The following PLCE1 variants were observed in gnomAD, a reference collection of about 807,000 sequenced individuals.
PLCE1 encodes the protein 1-phosphatidylinositol 4,5-bisphosphate phosphodiesterase epsilon-1.
Under a neutral mutation model 242.8 loss-of-function variants are expected in PLCE1, and 119 were observed. The ratio of observed to expected loss-of-function variants is 0.49; its 90% CI spans 0.42 to 0.57. The LOEUF (loss-of-function observed/expected upper bound fraction) is 0.57, where lower values mean the gene tolerates loss of function less well. Ranked by LOEUF, PLCE1 falls within the 20% of genes least tolerant of loss-of-function variation. The probability of loss-of-function intolerance (pLI) is 0.00; values close to 1 mark genes in which losing one functional copy is unlikely to be tolerated. For synonymous variants in PLCE1, 945 were observed against 1,017.4 expected, an observed-to-expected ratio of 0.93 and a Z score of 1.35; for missense variants, 2,441 against 2,788.8, an observed-to-expected ratio of 0.88 and a Z score of 2.81.
At chr10:94,033,216 A>G (rs1045975190) in intron 2 of PLCE1, among the ~76,000 whole-genome samples, 1 of 152,006 alleles carries the variant, frequency 6.6e-6, no homozygotes, top group African/African-American at 2.4e-5. Flanking sequence ...ATTGAGGGAT[A>G]ATTGTAGTGA....
chr10:94,290,537 C>T (rs1392930256), intron 22 of PLCE1, among the ~76,000 whole-genome samples: 1 of 151,754 alleles, frequency 6.6e-6, no homozygotes, highest in Non-Finnish European at 1.5e-5. Context: ...TCATTGTCTT[C>T]CACTTCCACC....
intron 1 of PLCE1, among the ~76,000 whole-genome samples, chr10:94,014,110 C>T (rs562072318): frequency 1.3e-5 from 2 of 152,188 alleles, no homozygotes; most frequent in Non-Finnish European, 2.9e-5. Context: ...AGGGGCCACA[C>T]AGGGCCAACT....
At position 94,098,612 on chromosome 10, in the gene PLCE1, C is replaced by T. The variant is rs189913579; in HGVS notation, c.1207-33562C>T. ...GGAATCAGATGAGGTCCAAATATTA[C>T]ATTTGACTGATATGTCTTGTGAATC... On this transcript the variant is annotated intron_variant, in intron 2 of 32. Transcript: ENST00000371380. Among the ~76,000 whole-genome samples the T allele has an allele frequency of 2.6e-5, 4 of 152,298 alleles. No homozygotes were observed. The East Asian group carries it at 7.7e-4, about 29-fold the overall frequency.
intron 1 of PLCE1, among the ~76,000 whole-genome samples, chr10:94,011,711 C>A (rs1280332061): frequency 1.3e-5 from 2 of 152,116 alleles, no homozygotes; most frequent in African/African-American, 4.8e-5. Context: ...ATTTAAAATT[C>A]TTGTTTGTCA....
At chr10:94,219,303 T>A (rs1249848201) in intron 4 of PLCE1, among the ~76,000 whole-genome samples, 1 of 152,152 alleles carries the variant, frequency 6.6e-6, no homozygotes, top group Non-Finnish European at 1.5e-5. Flanking sequence ...AATAAGAAAT[T>A]GGTGTATGTA....
At chr10:94,111,420 G>A (rs987859133) in intron 2 of PLCE1, among the ~76,000 whole-genome samples, 2 of 152,210 alleles carry the variant, frequency 1.3e-5, no homozygotes, top group Non-Finnish European at 2.9e-5. Flanking sequence ...AAGCAGAAAT[G>A]CAGTTGACTA....
intron 3 of PLCE1, chr10:94,155,510 A>G (rs2047403682): frequency 6.6e-6 from 1 of 152,146 alleles, no homozygotes; most frequent in Non-Finnish European, 1.5e-5. Context: ...GATGGCCAAC[A>G]TATACAGGGT....
chr10:94,137,931 A>G (rs904834395), intron 3 of PLCE1: 6 of 386,224 alleles, frequency 1.6e-5, no homozygotes, highest in African/African-American at 2.1e-5. Flanking sequence ...GAGATGACCA[A>G]GTACCACAGT....
intron 29 of PLCE1, among the ~76,000 whole-genome samples, chr10:94,320,948 AG>A (rs1416193480): frequency 2.0e-5 from 3 of 152,220 alleles, no homozygotes; most frequent in Non-Finnish European, 2.9e-5. Flanking sequence ...AAAAAAGATG[AG>A]AATGGGAAAA....
At chr10:94,134,910 G>T (rs1160524628) in intron 3 of PLCE1, among the ~76,000 whole-genome samples, 1 of 152,172 alleles carries the variant, frequency 6.6e-6, no homozygotes, top group African/African-American at 2.4e-5. Context: ...GCTCTTTGGT[G>T]ATTTCTGAGA....
chr10:94,268,829 G>C (rs1454107834), intron 16 of PLCE1, 100 bp from the exon 17 acceptor site: 1 of 744,204 alleles, frequency 1.3e-6, no homozygotes, highest in East Asian at 2.6e-5. Context: ...TTAGTCCTGA[G>C]TGTAAACACT....
intron 2 of PLCE1, among the ~76,000 whole-genome samples, chr10:94,039,395 T>C (rs1311444433): frequency 2.6e-5 from 4 of 151,908 alleles, no homozygotes; most frequent in Non-Finnish European, 4.4e-5. Flanking sequence ...TTTTTTTTTT[T>C]CCCGGAGACG....
At chr10:94,280,077 G>A (rs1229244336) in intron 20 of PLCE1, 166 bp downstream of exon 20, 1 of 717,614 alleles carries the variant, frequency 1.4e-6, no homozygotes, top group African/African-American at 1.8e-5. Flanking sequence ...CGAGGAAGGA[G>A]GGGATTCTGT....
chr10:94,321,962 A>T lies in PLCE1; in HGVS notation c.6404A>T (p.Glu2135Val), dbSNP rs758237098. 6.2e-7 allele frequency: 1 copy of T among 1,613,730 alleles called. No homozygotes were observed. Among genetic ancestry groups the T allele is most frequent in the East Asian group, 2.2e-5 (1 of 44,900 alleles). Residue 2135 changes from glutamate to valine, a missense_variant, in exon 30 of 33, where the codon GAG becomes GTG. Physicochemically the swap from Glu to Val is moderately radical, Grantham distance 121. Around this residue, in one of 5 missense-constraint regions of PLCE1, gnomAD observed 310 missense variants for 317.2 expected, o/e 0.98. Coordinates refer to ENST00000371380, the MANE Select transcript of PLCE1 (RefSeq NM_016341.4). ...DKEVILSSEE[E>V]SFFVQVHDVS... is the part of the protein sequence containing the mutation. The stretch of plus-strand genomic sequence containing the variant: ...GAGGTGATCTTGAGCTCAGAGGAGG[A>T]GAGTTTCTTTGTCCAAGTGCATGAT...
rs2054157515 is a variant in PLCE1 at position 94,331,700 on chromosome 10, G to T, written c.*3757G>T. On this transcript the variant is annotated 3_prime_UTR_variant, in exon 33 of 33. Coordinates refer to ENST00000371380, the MANE Select transcript of PLCE1 (RefSeq NM_016341.4). ...TCTCTTATACAGAGTCTAGACTTGG[G>T]TCAATATTCCCCATGATCCATTGTT... 6.6e-6 allele frequency: 1 copy of T among 152,072 alleles called. No individual in the cohort carries two copies. Among genetic ancestry groups the T allele is most frequent in the African/African-American group, 2.4e-5 (1 of 41,406 alleles). The allele number at this position is 152,072 out of a possible 1,614,324, so 9.4% of individuals were successfully genotyped here.
At chr10:94,155,526 G>A (rs2047404491) in intron 3 of PLCE1, 1 of 152,030 alleles carries the variant, frequency 6.6e-6, no homozygotes. Context: ...AGGGTTACAT[G>A]TTTTAGGAGG....
intron 3 of PLCE1, among the ~76,000 whole-genome samples, chr10:94,149,511 C>CA (rs2047210911): frequency 1.3e-5 from 2 of 152,222 alleles, no homozygotes; most frequent in Non-Finnish European, 2.9e-5. Flanking sequence ...AACCCTCTTG[C>CA]AACTAAAAGT....
chr10:94,198,482 G>A (rs970537496), intron 4 of PLCE1, among the ~76,000 whole-genome samples: 12 of 151,842 alleles, frequency 7.9e-5, no homozygotes, highest in African/African-American at 2.2e-4. Context: ...TTGCCTTTTG[G>A]CATGCAGTTT....
intron 5 of PLCE1, among the ~76,000 whole-genome samples, chr10:94,233,728 G>A (rs1028869608): frequency 1.3e-5 from 2 of 152,026 alleles, no homozygotes; most frequent in East Asian, 3.9e-4. Context: ...CAGGTGGATC[G>A]CCTGAGGTCA....
Sources: allele counts gnomAD v4.1 joint callset (sites outside exome capture counted in the v4.1 genomes callset), GRCh38; gene constraint gnomAD v4.1.1; regional missense constraint gnomAD v4.1.1; transcripts MANE v1.5; gene names NCBI Gene and HGNC (gene_info 2026-07-23, HGNC 2026-07-21).